Variants in RECK observed in about 807,000 individuals in gnomAD.
The protein encoded by RECK is reversion-inducing cysteine-rich protein with Kazal motifs.
A neutral mutation model predicts 115.1 loss-of-function variants in RECK; 69 were observed. The ratio of observed to expected loss-of-function variants is 0.60; its 90% confidence interval spans 0.49 to 0.73. RECK has a LOEUF of 0.73. Among genes scored for constraint, RECK ranks in the 30% least tolerant of loss-of-function variants. The pLI is 0.00. For missense variants in RECK, 1,047 were observed against 1,203.7 expected (o/e 0.87, Z 1.93); for synonymous variants, 414 against 419.7 (o/e 0.99, Z 0.17).
At position 36,105,274 on chromosome 9, in the gene RECK, T is replaced by C. The variant is rs1209494814; in HGVS notation, c.1567T>C (p.Cys523Arg). ...PSGDPCLPYF[C>R]VQGCKLGEAS... ...TGGAGATCCCTGTCTTCCATACTTT[T>C]GTGTTCAAGGTAAGAGGTAGGTGGG... Residue 523 changes from cysteine to arginine, a missense_variant, in exon 13 of 21, where the codon TGT (cysteine) becomes CGT (arginine). By Grantham distance (180) the Cys-to-Arg change is radical (BLOSUM62 -3). Coordinates refer to ENST00000377966, the MANE Select transcript of RECK (RefSeq NM_021111.3). The C allele has an allele frequency of 1.9e-6, 3 of 1,613,944 alleles. No individual in the cohort carries two copies. In the African/African-American group the frequency reaches 4.0e-5, roughly 22 times the overall value.
At chr9:36,054,262 T>G (rs746760723) in intron 2 of RECK, among the ~76,000 whole-genome samples, 11 of 152,130 alleles carry the variant, frequency 7.2e-5, no homozygotes, top group Non-Finnish European at 1.5e-4. Flanking sequence ...TCTAGGAGGT[T>G]AGGGAAAAGA....
rs1251000774 is a variant in RECK at position 36,108,094 on chromosome 9, C to G, written c.1695C>G (p.Leu565=). The G allele has an allele frequency of 1.9e-6, 3 of 1,614,036 alleles. No homozygotes were observed. The Admixed American group carries it at 5.0e-5, about 27-fold the overall frequency. ...TCTGTTCATGTGGACAAAGTGGACT[C>G]TTAGAAAACTGTATGGAAATGCACT... The part of the protein sequence containing the change: ...YKICSCGQSG[L]LENCMEMHCI... Residue 565 remains leucine, a synonymous_variant, in exon 14 of 21, where the codon CTC becomes CTG. Transcript: ENST00000377966.
intron 1 of RECK, among the ~76,000 whole-genome samples, chr9:36,042,315 G>A (rs552610491): frequency 6.6e-6 from 1 of 151,924 alleles, no homozygotes; most frequent in Non-Finnish European, 1.5e-5. Flanking sequence ...TACAATGTTT[G>A]GTTTTTCATT....
rs556592531 is a variant in RECK at position 36,102,099 on chromosome 9, A to G, written c.1304A>G (p.Asp435Gly). ...KSRGSIICKS[D>G]CVEILKKCGD... ...ACGTGCATTTTTTTTTCAAGATCAGATTGTGTGGAGATTCTTAAAAAATGT... is the reference window on the plus strand; with the variant it reads ...ACGTGCATTTTTTTTTCAAGATCAGGTTGTGTGGAGATTCTTAAAAAATGT... Residue 435 changes from aspartate (D) to glycine (G), a missense_variant, in exon 12 of 21, where the codon GAT becomes GGT. Physicochemically the swap from Asp to Gly is moderately conservative, Grantham distance 94. Coordinates refer to ENST00000377966, the MANE Select transcript of RECK (RefSeq NM_021111.3). The G allele has an allele frequency of 5.1e-5, 82 of 1,611,752 alleles. No individual in the cohort carries two copies. The Admixed American group carries it at 1.4e-3, about 27-fold the overall frequency.
At chr9:36,080,669 A>G in intron 7 of RECK, 31 bp downstream of exon 7, 2 of 1,599,988 alleles carry the variant, frequency 1.3e-6, no homozygotes, top group Non-Finnish European at 1.7e-6. Context: ...TTGTACAAAC[A>G]GTCCAAAGAT....
intron 19 of RECK, among the ~76,000 whole-genome samples, chr9:36,120,948 C>T (rs183406458): frequency 1.3e-5 from 2 of 152,354 alleles, no homozygotes; most frequent in African/African-American, 4.8e-5. Context: ...CCCCTACACC[C>T]TGGCTGTGCA....
intron 17 of RECK, 99 bp from the exon 18 acceptor site, chr9:36,118,658 T>G (rs1824352159): frequency 1.1e-5 from 13 of 1,173,520 alleles, no homozygotes; most frequent in Non-Finnish European, 1.6e-5. Context: ...ACCTGTGTCT[T>G]TTTTCCTTCC....
chr9:36,051,304 G>C (rs762978373), intron 1 of RECK, among the ~76,000 whole-genome samples: 29 of 152,096 alleles, frequency 1.9e-4, no homozygotes, highest in Non-Finnish European at 3.7e-4. Context: ...AGAAGGTCAA[G>C]TCTTTTCCAC....
intron 5 of RECK, 106 bp downstream of exon 5, chr9:36,063,986 G>A (rs538882368): frequency 3.6e-5 from 36 of 1,013,712 alleles, no homozygotes; most frequent in East Asian, 2.2e-4. Context: ...GAGGTAACCC[G>A]TAAAAACTGC....
chr9:36,067,265 T>A (rs1044489174), intron 6 of RECK, among the ~76,000 whole-genome samples: 2 of 152,130 alleles, frequency 1.3e-5, no homozygotes, highest in African/African-American at 4.8e-5. Context: ...TCAGAATAAT[T>A]TATGAACCAG....
intron 16 of RECK, among the ~76,000 whole-genome samples, chr9:36,114,479 G>A (rs1824181530): frequency 6.6e-6 from 1 of 152,234 alleles, no homozygotes; most frequent in Non-Finnish European, 1.5e-5. Context: ...ATGGAGGGCA[G>A]TTTGGCCAAA....
chr9:36,123,191 C>A lies in RECK; in HGVS notation c.*146C>A. 2 of 584,144 alleles carry A rather than the reference C, an allele frequency of 3.4e-6. No homozygotes were observed. The highest frequency in any genetic ancestry group is 6.0e-6 in the Non-Finnish European group (2 of 335,662). 36.2% of individuals were successfully genotyped at this position (584,144 alleles called of 1,614,324 possible). On this transcript the variant is annotated 3_prime_UTR_variant, in exon 21 of 21. Coordinates refer to ENST00000377966, the MANE Select transcript of RECK (RefSeq NM_021111.3). ...CCACACAGTATTTTTTTTTTTAATCCGCCAATATTAGTAGGATTTTTGTTT... is the reference window on the plus strand; with the variant it reads ...CCACACAGTATTTTTTTTTTTAATCAGCCAATATTAGTAGGATTTTTGTTT...
chr9:36,047,406 C>A (rs1245270489), intron 1 of RECK, among the ~76,000 whole-genome samples: 1 of 152,058 alleles, frequency 6.6e-6, no homozygotes, highest in Non-Finnish European at 1.5e-5. Flanking sequence ...GCCAGGAGTT[C>A]AAGACCAGCC....
At chr9:36,095,596 G>A (rs1347938483) in intron 10 of RECK, among the ~76,000 whole-genome samples, 1 of 152,122 alleles carries the variant, frequency 6.6e-6, no homozygotes, top group Non-Finnish European at 1.5e-5. Flanking sequence ...TTCAAGTATA[G>A]GAAACTGATT....
chr9:36,070,512 GAA>G (rs528340091), intron 6 of RECK, among the ~76,000 whole-genome samples: 4 of 140,524 alleles, frequency 2.8e-5, no homozygotes, highest in African/African-American at 1.0e-4. Flanking sequence ...CCATTCTTTT[GAA>G]AAAAAAAAAA....
intron 15 of RECK, among the ~76,000 whole-genome samples, chr9:36,112,009 G>A (rs1824066657): frequency 6.7e-6 from 1 of 149,848 alleles, no homozygotes; most frequent in Admixed American, 6.7e-5. Context: ...TGTAGTCCCA[G>A]CTACTCCGGA....
chr9:36,120,709 CA>C lies in RECK; in HGVS notation c.2514del (p.Glu839LysfsTer9). 2 of 1,612,532 alleles carry C rather than the reference CA, an allele frequency of 1.2e-6. No individual in the cohort carries two copies. Among genetic ancestry groups the C allele is most frequent in the Non-Finnish European group, 1.7e-6 (2 of 1,178,598 alleles). On this transcript the variant is annotated frameshift_variant, in exon 19 of 21. Coordinates refer to ENST00000377966, the MANE Select transcript of RECK (RefSeq NM_021111.3). LOFTEE classifies it high-confidence loss of function. ...CAGMLRVLFD[K>X]EKLDTIAKVT... Reference sequence around the variant, plus strand: ...CTGGGATGTTAAGAGTTTTATTTGACAAAGAAAAACTGGATACTATTGCTAA... The same window carrying C: ...CTGGGATGTTAAGAGTTTTATTTGACAAGAAAAACTGGATACTATTGCTAA...
chr9:36,067,308 A>G (rs10738956), intron 6 of RECK, among the ~76,000 whole-genome samples: 92,936 of 151,948 alleles, frequency 0.61, 29,918 homozygotes, highest in East Asian at 0.83. Context: ...TACTGGAATG[A>G]TCCCTGGGAT....
At chr9:36,041,494 A>G (rs1381560943) in intron 1 of RECK, among the ~76,000 whole-genome samples, 1 of 152,236 alleles carries the variant, frequency 6.6e-6, no homozygotes, top group Non-Finnish European at 1.5e-5. Flanking sequence ...ATCAATGTCT[A>G]GGTTACAGCT....
Sources: gnomAD v4.1 joint callset for allele counts (sites outside exome capture counted in the v4.1 genomes callset) on GRCh38, gnomAD v4.1.1 for gene constraint, MANE v1.5 for transcripts, NCBI Gene and HGNC (gene_info 2026-07-23, HGNC 2026-07-21) for gene names.